The following RNF115 variants were observed in gnomAD, a reference collection of about 807,000 sequenced individuals.
RNF115 encodes E3 ubiquitin-protein ligase RNF115.
Under a neutral mutation model 39.2 loss-of-function variants are expected in RNF115, and 31 were observed. The ratio of observed to expected loss-of-function variants is 0.79; its 90% CI spans 0.59 to 1.07. The LOEUF is 1.07. Among genes scored for constraint, RNF115 ranks in the 50% least tolerant of loss-of-function variants. RNF115 has a pLI of 0.00. For missense variants in RNF115, 384 were observed against 381.7 expected, an observed-to-expected ratio of 1.01 and a Z score of -0.05; for synonymous variants, 124 against 131.0, an observed-to-expected ratio of 0.95 and a Z score of 0.37.
chr1:145,798,107 T>C (rs1053703224), intron 1 of RNF115, among the ~76,000 whole-genome samples: 1 of 152,214 alleles, frequency 6.6e-6, no homozygotes, highest in Non-Finnish European at 1.5e-5. Context: ...CCTTTTCAAG[T>C]TGATTGTGTT....
intron 4 of RNF115, among the ~76,000 whole-genome samples, chr1:145,763,253 G>A (rs1163052811): frequency 6.6e-6 from 1 of 152,120 alleles, no homozygotes; most frequent in Non-Finnish European, 1.5e-5. Context: ...TATTATTTAG[G>A]TGGGACACCT....
At chr1:145,808,231 T>C (rs1402907808) in intron 1 of RNF115, among the ~76,000 whole-genome samples, 1 of 152,204 alleles carries the variant, frequency 6.6e-6, no homozygotes, top group Non-Finnish European at 1.5e-5. Flanking sequence ...CTGGATTGTA[T>C]GGTAGTTTTC....
In RNF115 at chr1:145,746,726, G is replaced by A; in HGVS notation, c.*140C>T. On this transcript the variant is annotated 3_prime_UTR_variant, in exon 9 of 9. Coordinates refer to ENST00000582693, the MANE Select transcript of RNF115 (RefSeq NM_014455.4). ...AGATACTAACTTTAAATTTAAAGAAGAAAAACATTCATTGCATTTATATTA... is the reference window on the plus strand; with the variant it reads ...AGATACTAACTTTAAATTTAAAGAAAAAAAACATTCATTGCATTTATATTA... 1.2e-6 allele frequency: 1 copy of A among 827,338 alleles called. No individual in the cohort carries two copies. Among genetic ancestry groups the A allele is most frequent in the East Asian group, 2.7e-5 (1 of 36,630 alleles). The allele number at this position is 827,338 out of a possible 1,614,324, so 51.2% of individuals were successfully genotyped here. A position where few individuals can be genotyped will look rare whatever the true frequency, so the allele number is the denominator to read the frequency against.
intron 4 of RNF115, among the ~76,000 whole-genome samples, chr1:145,767,336 C>G (rs1553715121): frequency 6.9e-6 from 1 of 144,128 alleles, no homozygotes; most frequent in Non-Finnish European, 1.5e-5. Flanking sequence ...ACTTCTCAGA[C>G]GGGGCGGCCG....
chr1:145,777,381 C>T (rs1320608851), intron 3 of RNF115, among the ~76,000 whole-genome samples: 2 of 152,084 alleles, frequency 1.3e-5, no homozygotes, highest in African/African-American at 4.8e-5. Flanking sequence ...TTAAAAACAG[C>T]TTCAACATCA....
Position 145,744,111 on chromosome 1 carries a change from C to T in RNF115, c.*2755G>A, listed in dbSNP as rs1466888789. The T allele has an allele frequency of 4.6e-5, 7 of 152,296 alleles. No individual in the cohort carries two copies. The highest frequency in any genetic ancestry group is 8.8e-5 in the Non-Finnish European group (6 of 68,052). 9.4% of individuals were successfully genotyped at this position (152,296 alleles called of 1,614,324 possible). ...AGGTACTCAGATCCTTTCTAGTTCT[C>T]TAGGCATTGGTTCTCTATCTGTACG... On this transcript the variant is annotated 3_prime_UTR_variant, in exon 9 of 9. Coordinates refer to ENST00000582693, the MANE Select transcript of RNF115 (RefSeq NM_014455.4).
chr1:145,777,691 A>G (rs1647946775), intron 3 of RNF115, among the ~76,000 whole-genome samples: 2 of 152,232 alleles, frequency 1.3e-5, no homozygotes, highest in Non-Finnish European at 2.9e-5. Flanking sequence ...AGGGAACACT[A>G]TCATAGAGTT....
In RNF115 at chr1:145,742,087, CG is replaced by C. The variant is rs1553711059; in HGVS notation, c.*4778del. The C allele has an allele frequency of 6.6e-6, 1 of 152,114 alleles. No individual in the cohort carries two copies. The highest frequency in any genetic ancestry group is 1.5e-5 in the Non-Finnish European group (1 of 68,032). 9.4% of individuals were successfully genotyped at this position (152,114 alleles called of 1,614,324 possible). ...TCACGCCACTGCACTCCAGCCTGGG[CG>C]AAAGAGTGAGATTGTGTCTCAAAAA... On this transcript the variant is annotated 3_prime_UTR_variant, in exon 9 of 9. Coordinates refer to ENST00000582693, the MANE Select transcript of RNF115 (RefSeq NM_014455.4).
chr1:145,765,594 CAAG>C (rs1372982750), intron 4 of RNF115, among the ~76,000 whole-genome samples: 1 of 151,892 alleles, frequency 6.6e-6, no homozygotes, highest in Non-Finnish European at 1.5e-5. Context: ...AATTCAAAGA[CAAG>C]AGTATGCTAA....
At chr1:145,794,337 T>TG (rs1331304243) in intron 1 of RNF115, among the ~76,000 whole-genome samples, 2 of 152,090 alleles carry the variant, frequency 1.3e-5, no homozygotes, top group Admixed American at 1.3e-4. Context: ...GTGCTCAACT[T>TG]GACAATCTCA....
Position 145,771,774 on chromosome 1 carries a change from G to A in RNF115, c.365C>T (p.Pro122Leu). The A allele has an allele frequency of 6.2e-7, 1 of 1,614,134 alleles. No homozygotes were observed. The change falls in exon 4 of 9, where the codon CCA becomes CTA. Residue 122 changes from proline to leucine, a missense_variant. By Grantham distance (98) the Pro-to-Leu change is moderately conservative. Transcript: ENST00000582693. ...TCGAGATCTGTATCTCCGACCCAAT[G>A]GCAACCGTGGAGGTCTTGCTCCCCA... ...DFWGARPPRL[P>L]LGRRYRSRGS...
At chr1:145,769,520 C>T (rs1285226467) in intron 4 of RNF115, among the ~76,000 whole-genome samples, 1 of 152,014 alleles carries the variant, frequency 6.6e-6, no homozygotes, top group Non-Finnish European at 1.5e-5. Context: ...TACTATCAAC[C>T]ACAGAAGTAA....
intron 1 of RNF115, among the ~76,000 whole-genome samples, chr1:145,795,291 G>C (rs1316179906): frequency 1.3e-5 from 2 of 152,116 alleles, no homozygotes. Context: ...CAGACCCAAA[G>C]AGTGAGCAGC....
At chr1:145,783,150 A>G (rs1648223695) in intron 3 of RNF115, among the ~76,000 whole-genome samples, 1 of 152,234 alleles carries the variant, frequency 6.6e-6, no homozygotes, top group African/African-American at 2.4e-5. Flanking sequence ...GGCGTGAGCC[A>G]CTGTGCCTGG....
intron 4 of RNF115, among the ~76,000 whole-genome samples, chr1:145,764,815 G>A (rs908215913): frequency 6.0e-5 from 9 of 148,996 alleles, no homozygotes; most frequent in Admixed American, 1.3e-4. Context: ...GGGTGCCTCC[G>A]CCCGGCCAGC....
At chr1:145,769,476 C>A (rs779443291) in intron 4 of RNF115, among the ~76,000 whole-genome samples, 3 of 152,058 alleles carry the variant, frequency 2.0e-5, no homozygotes, top group Non-Finnish European at 2.9e-5. Flanking sequence ...GCACTAGAAG[C>A]TGAGAATACA....
At chr1:145,756,198 C>T (rs1036480141) in intron 4 of RNF115, among the ~76,000 whole-genome samples, 2 of 152,118 alleles carry the variant, frequency 1.3e-5, no homozygotes, top group East Asian at 1.9e-4. Flanking sequence ...CGGTAGCTCA[C>T]GCCTATAATC....
chr1:145,782,271 C>A (rs587722218), intron 3 of RNF115, among the ~76,000 whole-genome samples: 2 of 152,258 alleles, frequency 1.3e-5, no homozygotes, highest in East Asian at 3.9e-4. Flanking sequence ...GGCAAGGCAA[C>A]CATGACATTT....
intron 7 of RNF115, among the ~76,000 whole-genome samples, chr1:145,749,673 T>G (rs1257324596): frequency 1.3e-5 from 2 of 152,194 alleles, no homozygotes; most frequent in African/African-American, 4.8e-5. Context: ...TCATCTGGAC[T>G]GCTGCAACAC....
Sources: allele counts gnomAD v4.1 joint callset (sites outside exome capture counted in the v4.1 genomes callset), GRCh38; gene constraint gnomAD v4.1.1; transcripts MANE v1.5; gene names NCBI Gene and HGNC (gene_info 2026-07-23, HGNC 2026-07-21).